The following KCNIP4 variants were observed in gnomAD, a reference collection of about 807,000 sequenced individuals.
KCNIP4 encodes Kv channel-interacting protein 4.
Under a neutral mutation model 34.0 loss-of-function variants are expected in KCNIP4, and 12 were observed. That is an observed-to-expected ratio of 0.35 (90% CI 0.23 to 0.57). The LOEUF is 0.57. Among genes scored for constraint, KCNIP4 ranks in the 20% least tolerant of loss-of-function variants. The probability of loss-of-function intolerance (pLI) is 0.83; values close to 1 mark genes in which losing one functional copy is unlikely to be tolerated. For missense variants in KCNIP4, 238 were observed against 311.7 expected, an observed-to-expected ratio of 0.76 and a Z score of 1.78; for synonymous variants, 124 against 102.2, an observed-to-expected ratio of 1.21 and a Z score of -1.29.
At chr4:21,883,969 G>A (rs1338023507) in intron 1 of KCNIP4, among the ~76,000 whole-genome samples, 2 of 152,070 alleles carry the variant, frequency 1.3e-5, no homozygotes, top group African/African-American at 2.4e-5. Flanking sequence ...TCGGGAGTAG[G>A]TCACATCATC....
At chr4:21,107,294 C>T (rs1748649591) in intron 1 of KCNIP4, among the ~76,000 whole-genome samples, 1 of 140,776 alleles carries the variant, frequency 7.1e-6, no homozygotes, top group South Asian at 2.2e-4. Context: ...GTATTGGGTG[C>T]CTCTATATTT....
chr4:20,871,287 G>A (rs1340288344), intron 2 of KCNIP4, among the ~76,000 whole-genome samples: 2 of 152,060 alleles, frequency 1.3e-5, no homozygotes, highest in Non-Finnish European at 2.9e-5. Context: ...TCAAGTGGCT[G>A]GATGGAGACA....
intron 1 of KCNIP4, among the ~76,000 whole-genome samples, chr4:21,256,458 C>T (rs1761072281): frequency 6.7e-6 from 1 of 148,854 alleles, no homozygotes; most frequent in African/African-American, 2.5e-5. Flanking sequence ...AAGAAAAAGG[C>T]AGGCATGGTG....
At chr4:20,884,731 A>G (rs1211461852) in intron 1 of KCNIP4, among the ~76,000 whole-genome samples, 2 of 144,114 alleles carry the variant, frequency 1.4e-5, no homozygotes, top group Non-Finnish European at 3.0e-5. Context: ...TTTTCAAGAC[A>G]GAGTCTCACT....
intron 1 of KCNIP4, among the ~76,000 whole-genome samples, chr4:20,939,012 C>G (rs1030166704): frequency 6.6e-6 from 1 of 152,194 alleles, no homozygotes; most frequent in Non-Finnish European, 1.5e-5. Flanking sequence ...ATACACATAT[C>G]TATGATCACC....
At chr4:21,731,533 C>A (rs188198136) in intron 1 of KCNIP4, among the ~76,000 whole-genome samples, 2 of 152,256 alleles carry the variant, frequency 1.3e-5, no homozygotes, top group African/African-American at 2.4e-5. Flanking sequence ...TGCCAGAAAT[C>A]TCATGCTCAT....
At chr4:20,751,617 G>A (rs1270525819) in intron 4 of KCNIP4, among the ~76,000 whole-genome samples, 1 of 152,132 alleles carries the variant, frequency 6.6e-6, no homozygotes, top group East Asian at 1.9e-4. Context: ...CACAATCAGA[G>A]TAAATGCCTT....
intron 3 of KCNIP4, among the ~76,000 whole-genome samples, chr4:20,768,229 T>C (rs1755586380): frequency 6.6e-6 from 1 of 152,170 alleles, no homozygotes; most frequent in African/African-American, 2.4e-5. Flanking sequence ...AGTCAGTTCT[T>C]AGCTTTTAAT....
At chr4:20,730,387 A>ATTAATAGAGGATAT (rs772280022) in intron 8 of KCNIP4, among the ~76,000 whole-genome samples, 5 of 152,196 alleles carry the variant, frequency 3.3e-5, no homozygotes, top group Non-Finnish European at 5.9e-5. Flanking sequence ...TTTACTTGGT[A>ATTAATAGAGGATAT]TTAATAGAGG....
At chr4:20,818,186 G>A (rs1425263009) in intron 3 of KCNIP4, among the ~76,000 whole-genome samples, 1 of 152,142 alleles carries the variant, frequency 6.6e-6, no homozygotes, top group Non-Finnish European at 1.5e-5. Flanking sequence ...AGGTTCAGAG[G>A]TGTCAAAATG....
At chr4:21,067,500 C>G (rs1744504880) in intron 1 of KCNIP4, among the ~76,000 whole-genome samples, 1 of 152,146 alleles carries the variant, frequency 6.6e-6, no homozygotes, top group Non-Finnish European at 1.5e-5. Context: ...ATCTCTGGGT[C>G]TGCCCGGCAT....
intron 1 of KCNIP4, among the ~76,000 whole-genome samples, chr4:20,995,847 T>C (rs1737507037): frequency 6.6e-6 from 1 of 151,956 alleles, no homozygotes; most frequent in African/African-American, 2.4e-5. Context: ...GCATGAAGGG[T>C]GTGAGGAAGC....
At chr4:21,567,147 T>C (rs921035514) in intron 1 of KCNIP4, among the ~76,000 whole-genome samples, 7 of 152,160 alleles carry the variant, frequency 4.6e-5, no homozygotes, top group Non-Finnish European at 8.8e-5. Context: ...CCCTGCCCGG[T>C]ATATATGCTT....
chr4:20,922,897 T>A (rs1729544055), intron 1 of KCNIP4, among the ~76,000 whole-genome samples: 1 of 152,140 alleles, frequency 6.6e-6, no homozygotes, highest in African/African-American at 2.4e-5. Flanking sequence ...AAATATCCCC[T>A]CCACTGTCTC....
chr4:21,643,699 G>T (rs1418102105), intron 1 of KCNIP4, among the ~76,000 whole-genome samples: 1 of 152,106 alleles, frequency 6.6e-6, no homozygotes, highest in African/African-American at 2.4e-5. Context: ...CCACCCTTCA[G>T]CAAGAAGAAA....
intron 1 of KCNIP4, among the ~76,000 whole-genome samples, chr4:21,905,926 T>C (rs1044917425): frequency 5.3e-5 from 8 of 152,128 alleles, no homozygotes; most frequent in African/African-American, 1.9e-4. Flanking sequence ...AATGTCCCAA[T>C]AGATCCCACT....
At chr4:20,737,280 A>G (rs73240296) in intron 5 of KCNIP4, among the ~76,000 whole-genome samples, 9,241 of 137,422 alleles carry the variant, frequency 0.067, 370 homozygotes, top group Non-Finnish European at 0.1. Flanking sequence ...TTCCCTAGGA[A>G]AGGATTGTTC....
intron 1 of KCNIP4, among the ~76,000 whole-genome samples, chr4:21,798,210 T>C (rs1720745252): frequency 6.6e-6 from 1 of 151,886 alleles, no homozygotes; most frequent in South Asian, 2.1e-4. Flanking sequence ...ATCAGACTTA[T>C]ATGCATATAT....
intron 1 of KCNIP4, chr4:21,304,562 G>A (rs13101486): frequency 0.054 from 8,272 of 152,386 alleles, 287 homozygotes; most frequent in Middle Eastern, 0.12. Flanking sequence ...TGAAAACGCT[G>A]AGAGGTGGAG....
Sources: allele counts gnomAD v4.1 joint callset (sites outside exome capture counted in the v4.1 genomes callset), GRCh38; gene constraint gnomAD v4.1.1; transcripts MANE v1.5; gene names NCBI Gene and HGNC (gene_info 2026-07-23, HGNC 2026-07-21).